TPM3: variants seen among roughly 807,000 people sequenced by gnomAD.
The protein encoded by TPM3 is tropomyosin 3.
TPM3 carries 16 observed loss-of-function variants against 43.1 expected under a neutral mutation model. The ratio of observed to expected loss-of-function variants is 0.37; its 90% confidence interval spans 0.25 to 0.56. TPM3 has a LOEUF of 0.56. Among genes scored for constraint, TPM3 ranks in the 20% least tolerant of loss-of-function variants. The probability of loss-of-function intolerance (pLI) is 0.77; values close to 1 mark genes in which losing one functional copy is unlikely to be tolerated. For missense variants in TPM3, 176 were observed against 337.2 expected, an observed-to-expected ratio of 0.52 and a Z score of 3.74; for synonymous variants, 101 against 116.9, an observed-to-expected ratio of 0.86 and a Z score of 0.88.
chr1:154,171,026 G>C, intron 6 of TPM3: 1 of 524,514 alleles, frequency 1.9e-6, no homozygotes, highest in Non-Finnish European at 3.4e-6. Flanking sequence ...AGCACCCCAA[G>C]GTCACATGAC....
rs947924537 is a variant in TPM3 at position 154,165,297 on chromosome 1, G to A, written c.*2640C>T. Among the ~76,000 whole-genome samples the A allele has an allele frequency of 3.3e-5, 5 of 152,044 alleles. No individual in the cohort carries two copies. Among genetic ancestry groups the A allele is most frequent in the Admixed American group, 1.3e-4 (2 of 15,262 alleles). On this transcript the variant is annotated 3_prime_UTR_variant, in exon 10 of 10. Transcript: ENST00000651641. ...CTCGGGAAGCTGAGACAGGAGAATC[G>A]CTTGAACTCAAGAAGCAGAGGTTGC...
At chr1:154,169,496 T>C in intron 8 of TPM3, 113 bp from the exon 9 acceptor site, 1 of 1,030,598 alleles carries the variant, frequency 9.7e-7, no homozygotes, top group South Asian at 1.3e-5. Flanking sequence ...GTGGGTCTAA[T>C]ACCACAGTTA....
intron 5 of TPM3, chr1:154,172,675 T>C: frequency 3.4e-6 from 2 of 588,572 alleles, no homozygotes; most frequent in Non-Finnish European, 6.1e-6. Context: ...TGCTCTCAAT[T>C]TGTAAACCCT....
At chr1:154,183,162 T>C (rs1314829876) in intron 2 of TPM3, 5 of 1,597,292 alleles carry the variant, frequency 3.1e-6, no homozygotes, top group Non-Finnish European at 4.2e-6. Context: ...TCCTGCCTCC[T>C]CCGCTCGGCG....
downstream of TPM3, chr1:154,158,461 T>G: frequency 3.7e-6 from 1 of 272,252 alleles, no homozygotes; most frequent in Non-Finnish European, 7.1e-6. Context: ...TCTAAAGAGG[T>G]GAGGAAAATA....
At chr1:154,171,392 C>T in intron 6 of TPM3, 21 bp downstream of exon 6, 1 of 1,614,074 alleles carries the variant, frequency 6.2e-7, no homozygotes, top group East Asian at 2.2e-5. Flanking sequence ...AAGCCTGTCA[C>T]TTTCACAAAC....
downstream of TPM3, chr1:154,157,851 G>A (rs1003497080): frequency 1.6e-4 from 115 of 722,570 alleles, no homozygotes; most frequent in Non-Finnish European, 2.5e-4. Flanking sequence ...AGCCACAGAA[G>A]TGAGCTATTA....
intron 8 of TPM3, chr1:154,169,978 C>A (rs914796658): frequency 8.8e-5 from 24 of 272,918 alleles, no homozygotes; most frequent in Non-Finnish European, 1.2e-4. Context: ...ATGGTTATTC[C>A]ACAACTTCAT....
chr1:154,169,833 G>A lies in TPM3; in HGVS notation c.776-450C>T, dbSNP rs186282363. 8.3e-4 allele frequency: 224 copies of A among 271,368 alleles called. 1 individual carries two copies. The highest frequency in any genetic ancestry group is 2.7e-4 in the Non-Finnish European group (38 of 139,562). 16.8% of individuals were successfully genotyped at this position (271,368 alleles called of 1,614,324 possible). On this transcript the variant is annotated intron_variant, in intron 8 of 9. Coordinates refer to ENST00000651641, the MANE Select transcript of TPM3 (RefSeq NM_152263.4). ...CAGGCTGCCCCTGCAACTCTGCCAA[G>A]AGAGTGTACCAAAGGAGCATACATC...
downstream of TPM3, chr1:154,155,476 C>A (rs1207121814): frequency 1.3e-5 from 3 of 237,648 alleles, no homozygotes; most frequent in East Asian, 1.2e-4. Context: ...ATAAACAGCT[C>A]GACTTTGTCA....
intron 6 of TPM3, 60 bp downstream of exon 6, chr1:154,171,353 A>C (rs1661553682): frequency 1.9e-5 from 30 of 1,583,522 alleles, no homozygotes; most frequent in Non-Finnish European, 2.6e-5. Context: ...CCAGTCTTTC[A>C]TCAAGGGCAG....
rs1356903386 is a variant in TPM3 at position 154,176,207 on chromosome 1, C to A, written c.285G>T (p.Leu95=). The A allele has an allele frequency of 6.2e-7, 1 of 1,614,186 alleles. No individual in the cohort carries two copies. The highest frequency in any genetic ancestry group is 8.5e-7 in the Non-Finnish European group (1 of 1,180,032). The change falls in exon 3 of 10, where the codon CTG becomes CTT. Residue 95 remains leucine (L), a synonymous_variant. Coordinates refer to ENST00000651641, the MANE Select transcript of TPM3 (RefSeq NM_152263.4). ...EVASLNRRIQ[L]VEEELDRAQE... ...GAGCACGGTCCAGCTCTTCTTCAAC[C>A]AGCTGGATCCTACGGTTCAAGGAGG...
chr1:154,166,465 G>A lies in TPM3; in HGVS notation c.*1472C>T. 2.1e-6 allele frequency: 2 copies of A among 941,350 alleles called. No individual in the cohort carries two copies. Among genetic ancestry groups the A allele is most frequent in the South Asian group, 1.0e-4 (2 of 19,486 alleles). The allele number at this position is 941,350 out of a possible 1,614,324, so 58.3% of individuals were successfully genotyped here. ...TCTGACCTGCATAGCACACTACAGT[G>A]CAGAACTCCTGGGCTCAAGCAATCC... is the stretch of plus-strand genomic sequence containing the variant. On this transcript the variant is annotated 3_prime_UTR_variant, in exon 10 of 10. Transcript: ENST00000651641.
chr1:154,167,897 T>C lies in TPM3; in HGVS notation c.*40A>G, dbSNP rs755249761. On this transcript the variant is annotated 3_prime_UTR_variant, in exon 10 of 10. Coordinates refer to ENST00000651641, the MANE Select transcript of TPM3 (RefSeq NM_152263.4). ...GTGGGGCCTTGGGTTCCCCGAGGAGTAAAGGGGGCAGATCCAGAACAGAGC... is the reference window on the plus strand; with the variant it reads ...GTGGGGCCTTGGGTTCCCCGAGGAGCAAAGGGGGCAGATCCAGAACAGAGC... 2 of 1,612,298 alleles carry C rather than the reference T, an allele frequency of 1.2e-6. No individual in the cohort carries two copies. Among genetic ancestry groups the C allele is most frequent in the East Asian group, 4.5e-5 (2 of 44,840 alleles).
At chr1:154,157,560 AG>A (rs1237134174), downstream of TPM3, 1 of 767,124 alleles carries the variant, frequency 1.3e-6, no homozygotes, top group African/African-American at 1.7e-5. Flanking sequence ...CCTCAGTTAA[AG>A]GTCAGCTTCC....
Position 154,167,829 on chromosome 1 carries a change from T to C in TPM3, c.*108A>G, listed in dbSNP as rs1376460242. The C allele has an allele frequency of 2.5e-6, 4 of 1,611,094 alleles. No homozygotes were observed. The highest frequency in any genetic ancestry group is 3.4e-6 in the Non-Finnish European group (4 of 1,178,380). ...CTTTTTGCTCCCCCATCCTAATGCC[T>C]TGGGGACCAGCCAGGCTGACCCAAA... On this transcript the variant is annotated 3_prime_UTR_variant, in exon 10 of 10. Transcript: ENST00000651641.
chr1:154,171,276 C>T (rs766266580), intron 6 of TPM3, 137 bp downstream of exon 6: 60 of 896,006 alleles, frequency 6.7e-5, no homozygotes, highest in Non-Finnish European at 1.0e-4. Context: ...AAACCCAGAA[C>T]CTGAATACAT....
Position 154,191,780 on chromosome 1 carries a change from G to A in TPM3, c.117+122C>T, listed in dbSNP as rs981441341. On this transcript the variant is annotated intron_variant, in intron 1 of 9. Coordinates refer to ENST00000651641, the MANE Select transcript of TPM3 (RefSeq NM_152263.4). ...TCCTCTGCTCCTCCAGTGAGGCTGG[G>A]GAGTCCATCCCACCCCCAAAAAGGA... 3 of 1,587,714 alleles carry A rather than the reference G, an allele frequency of 1.9e-6. No homozygotes were observed. In the African/African-American group the frequency reaches 4.0e-5, roughly 21 times the overall value.
chr1:154,174,368 GTATATATATATATATATATATA>G lies in TPM3; in HGVS notation c.378-1189_378-1168del, dbSNP rs34224787. 3.8e-3 allele frequency among the ~76,000 whole-genome samples: 175 copies of G among 46,380 alleles called. 4 individuals carry two copies. Among genetic ancestry groups the G allele is most frequent in the South Asian group, 0.019 (20 of 1,058 alleles). 30.4% of individuals were successfully genotyped at this position (46,380 alleles called of 152,430 possible). A position where few individuals can be genotyped will look rare whatever the true frequency, so the allele number is the denominator to read the frequency against. On this transcript the variant is annotated intron_variant, in intron 3 of 9. Coordinates refer to ENST00000651641, the MANE Select transcript of TPM3 (RefSeq NM_152263.4). ...AAATAAATATTATTTAAATATATGT[GTATATATATATATATATATATA>G]TATATATATATATATATACACACAA...
Sources: gnomAD v4.1 joint callset for allele counts (sites outside exome capture counted in the v4.1 genomes callset) on GRCh38, gnomAD v4.1.1 for gene constraint, MANE v1.5 for transcripts, NCBI Gene and HGNC (gene_info 2026-07-23, HGNC 2026-07-21) for gene names.